The following ARHGEF6 variants were observed in gnomAD, a reference collection of about 807,000 sequenced individuals.
ARHGEF6 encodes the protein rho guanine nucleotide exchange factor 6.
ARHGEF6 carries 9 observed loss-of-function variants against 70.3 expected under a neutral mutation model. The ratio of observed to expected loss-of-function variants is 0.13; its 90% CI spans 0.08 to 0.22. The LOEUF is 0.22. ARHGEF6 is among the 10% of genes least tolerant of loss of function. The probability of loss-of-function intolerance (pLI) is 1.00; values close to 1 mark genes in which losing one functional copy is unlikely to be tolerated. For missense variants in ARHGEF6, 470 were observed against 563.0 expected, an observed-to-expected ratio of 0.83 and a Z score of 1.67; for synonymous variants, 201 against 207.8, an observed-to-expected ratio of 0.97 and a Z score of 0.28.
rs924880264 is a variant in ARHGEF6 at position 136,732,276 on chromosome X, T to C, written c.662-104A>G. The C allele has an allele frequency of 6.5e-6, 4 of 615,163 alleles. No individual in the cohort carries two copies. The East Asian group carries it at 1.4e-4, about 22-fold the overall frequency. The allele number at this position is 615,163 out of a possible 1,213,427, so 50.7% of individuals were successfully genotyped here. On this transcript the variant is annotated intron_variant, in intron 5 of 21. Transcript: ENST00000250617. The stretch of plus-strand genomic sequence containing the variant: ...ACTATAAAGATTCCCAGTGGAAGGA[T>C]CAATGGAAATGTACATTCCTAAACA...
In ARHGEF6 at chrX:136,694,056, C is replaced by CTTT. The variant is rs1222897407; in HGVS notation, c.1047-3311_1047-3309dup. ...TTTGCTTCTTTTTTTGTCCCCACTC[C>CTTT]TTTTTTTTTTTTTTTTGAGACAGTC... On this transcript the variant is annotated intron_variant, in intron 9 of 21. Transcript: ENST00000250617. Among the ~76,000 whole-genome samples, 296 of 96,209 alleles carry CTTT rather than the reference C, an allele frequency of 3.1e-3. 3 individuals are homozygous for CTTT. The highest frequency in any genetic ancestry group is 0.011 in the African/African-American group (279 of 25,237). The allele number at this position is 96,209 out of a possible 115,157, so 83.5% of individuals were successfully genotyped here.
chrX:136,674,912 C>T (rs1026219217), intron 19 of ARHGEF6, 95 bp downstream of exon 19: 8 of 803,426 alleles, frequency 1.0e-5, no homozygotes, highest in Non-Finnish European at 1.3e-5. Flanking sequence ...CCACACCCTG[C>T]AACCCATCCG....
chrX:136,769,665 TGATCG>T (rs2077350110), intron 2 of ARHGEF6, among the ~76,000 whole-genome samples: 1 of 111,529 alleles, frequency 9.0e-6, no homozygotes, highest in African/African-American at 3.3e-5. Flanking sequence ...CATTCTTGAC[TGATCG>T]GAAGAATTGT....
intron 19 of ARHGEF6, among the ~76,000 whole-genome samples, chrX:136,673,268 C>T (rs753998377): frequency 2.2e-4 from 24 of 111,430 alleles, no homozygotes; most frequent in Admixed American, 1.5e-3. Flanking sequence ...GTCCTGGAGC[C>T]AATCCCCTGC....
At chrX:136,747,683 G>GAAA in intron 2 of ARHGEF6, 91 bp from the exon 3 acceptor site, 4 of 178,979 alleles carry the variant, frequency 2.2e-5, no homozygotes, top group East Asian at 1.1e-4. Flanking sequence ...CCAGCTCTCC[G>GAAA]GAAAAAAAAA....
At chrX:136,769,467 A>T (rs1391920196) in intron 2 of ARHGEF6, among the ~76,000 whole-genome samples, 1 of 111,679 alleles carries the variant, frequency 9.0e-6, no homozygotes, top group African/African-American at 3.3e-5. Flanking sequence ...GCAGAATAGG[A>T]GATGGTAGGG....
At chrX:136,682,636 G>T in intron 13 of ARHGEF6, 122 bp downstream of exon 13, 1 of 533,595 alleles carries the variant, frequency 1.9e-6, no homozygotes, top group East Asian at 3.5e-5. Flanking sequence ...TTACAATGAA[G>T]GGTCAGAACA....
chrX:136,779,445 A>G lies in ARHGEF6; in HGVS notation c.218T>C (p.Phe73Ser). Residue 73 changes from phenylalanine (F) to serine (S), a missense_variant, in exon 2 of 22, where the codon TTC (phenylalanine) becomes TCC (serine). By Grantham distance (155) the Phe-to-Ser change is radical (BLOSUM62 -2). This residue lies in a region of ARHGEF6 where 379 missense variants were observed against 449.3 expected (regional missense o/e 0.84). Transcript: ENST00000250617. Reference sequence around the variant, plus strand: ...TTGGAGGGTTGCACATCCTTTCAGGAAGTCATTGATGTTGTTGATGCAGTC... The same window carrying G: ...TTGGAGGGTTGCACATCCTTTCAGGGAGTCATTGATGTTGTTGATGCAGTC... ...EADCINNIND[F>S]LKGCATLQVE... 8.3e-7 allele frequency: 1 copy of G among 1,211,439 alleles called. No individual in the cohort carries two copies. Among genetic ancestry groups the G allele is most frequent in the Non-Finnish European group, 1.1e-6 (1 of 895,213 alleles).
rs768051577 is a variant in ARHGEF6, at chrX:136,679,627, A to G, written c.1738T>C (p.Leu580=). The change falls in exon 16 of 22, where the codon TTG becomes CTG. Residue 580 remains leucine (L), a synonymous_variant. Transcript: ENST00000250617. ...GGTTTTATAATTTGAGGAGGCTCCA[A>G]GGGTCCTCGGGGCTGTCCGGTAGAG... ...FSSTGQPRGP[L]EPPQIIKPWS... 11 of 1,210,085 alleles carry G rather than the reference A, an allele frequency of 9.1e-6. No individual in the cohort carries two copies. Among genetic ancestry groups the G allele is most frequent in the South Asian group, 8.8e-5 (5 of 56,824 alleles).
intron 6 of ARHGEF6, among the ~76,000 whole-genome samples, chrX:136,729,268 G>C (rs1180686584): frequency 9.5e-6 from 1 of 105,688 alleles, no homozygotes; most frequent in Admixed American, 1.0e-4. Flanking sequence ...AGGAGTTCGA[G>C]ACCAGCCTGG....
chrX:136,767,540 G>A (rs1313871689), intron 2 of ARHGEF6: 5 of 754,908 alleles, frequency 6.6e-6, no homozygotes, highest in Non-Finnish European at 7.8e-6. Flanking sequence ...GCCGCTCGGC[G>A]GGCGGAGGAT....
Position 136,677,876 on chromosome X carries a change from A to C in ARHGEF6, c.1851+60T>G, listed in dbSNP as rs959973375. ...AGCATAAGGGAAAGCTTCATTCATC[A>C]AAGGTTACAGTACAGCATTATGATG... On this transcript the variant is annotated intron_variant, in intron 17 of 21. Coordinates refer to ENST00000250617, the MANE Select transcript of ARHGEF6 (RefSeq NM_004840.3). 3 of 1,004,173 alleles carry C rather than the reference A, an allele frequency of 3.0e-6. No homozygotes were observed. In the African/African-American group the frequency reaches 5.7e-5, roughly 19 times the overall value. 82.8% of individuals were successfully genotyped at this position (1,004,173 alleles called of 1,213,427 possible). A position where few individuals can be genotyped will look rare whatever the true frequency, so the allele number is the denominator to read the frequency against.
chrX:136,767,217 C>T (rs2077324546), intron 2 of ARHGEF6: 1 of 755,480 alleles, frequency 1.3e-6, no homozygotes, highest in Non-Finnish European at 1.6e-6. Context: ...CTCCTGGAAG[C>T]CGTTCGCCCT....
intron 6 of ARHGEF6, among the ~76,000 whole-genome samples, chrX:136,724,082 T>C (rs2076828874): frequency 9.1e-6 from 1 of 109,709 alleles, no homozygotes; most frequent in East Asian, 2.8e-4. Flanking sequence ...TTCTTTCTTT[T>C]TTTTTTTTTG....
At chrX:136,759,085 T>C (rs1479097734) in intron 2 of ARHGEF6, among the ~76,000 whole-genome samples, 3 of 112,171 alleles carry the variant, frequency 2.7e-5, no homozygotes, top group African/African-American at 9.7e-5. Context: ...CCAATCCTTC[T>C]TCAGAGAATG....
intron 5 of ARHGEF6, among the ~76,000 whole-genome samples, chrX:136,734,375 T>C (rs1157754908): frequency 2.7e-5 from 3 of 111,519 alleles, no homozygotes; most frequent in African/African-American, 9.8e-5. Flanking sequence ...TACAAACAAC[T>C]CTACACACAT....
At chrX:136,668,261 A>T in intron 21 of ARHGEF6, 92 bp from the exon 22 acceptor site, 6 of 1,048,946 alleles carry the variant, frequency 5.7e-6, no homozygotes, top group Non-Finnish European at 7.9e-6. Context: ...TTCATCACTG[A>T]CTCTCTTTCT....
intron 2 of ARHGEF6, among the ~76,000 whole-genome samples, chrX:136,769,555 G>C (rs2077349171): frequency 8.9e-6 from 1 of 111,899 alleles, no homozygotes; most frequent in South Asian, 3.7e-4. Context: ...GCAGAGGAAA[G>C]GGTTGGCTAA....
chrX:136,673,382 T>C (rs1013563573), intron 19 of ARHGEF6, among the ~76,000 whole-genome samples: 3 of 111,503 alleles, frequency 2.7e-5, no homozygotes, highest in Non-Finnish European at 5.7e-5. Context: ...GGGCTTCTGG[T>C]TAGAGAGGGA....
Sources: allele counts gnomAD v4.1 joint callset (sites outside exome capture counted in the v4.1 genomes callset), GRCh38; gene constraint gnomAD v4.1.1; regional missense constraint gnomAD v4.1.1; transcripts MANE v1.5; gene names NCBI Gene and HGNC (gene_info 2026-07-23, HGNC 2026-07-21).